Variants in MYCBP2 observed in about 807,000 individuals in gnomAD.
MYCBP2 encodes E3 ubiquitin-protein ligase MYCBP2.
In MYCBP2, 120 loss-of-function variants were observed where a neutral mutation model predicts 525.3. The ratio of observed to expected loss-of-function variants is 0.23; its 90% CI spans 0.20 to 0.27. The LOEUF is 0.27. Among genes scored for constraint, MYCBP2 ranks in the 10% least tolerant of loss-of-function variants. The pLI, the probability that MYCBP2 is intolerant of heterozygous loss-of-function variation, is 1.00. For missense variants in MYCBP2, 4,149 were observed against 5,657.1 expected, an observed-to-expected ratio of 0.73 and a Z score of 8.55; for synonymous variants, 1,894 against 1,955.8, an observed-to-expected ratio of 0.97 and a Z score of 0.83.
chr13:77,323,091 A>G (rs1320765058), intron 1 of MYCBP2, among the ~76,000 whole-genome samples: 4 of 152,228 alleles, frequency 2.6e-5, no homozygotes, highest in Non-Finnish European at 5.9e-5. Flanking sequence ...AAGCACATAC[A>G]TTGATTCATT....
At chr13:77,050,200 TGA>T (rs2036491987) in intron 82 of MYCBP2, among the ~76,000 whole-genome samples, 2 of 152,338 alleles carry the variant, frequency 1.3e-5, no homozygotes, top group Admixed American at 1.3e-4. Flanking sequence ...CTGGTAATTT[TGA>T]GAGGCACTAT....
intron 66 of MYCBP2, chr13:77,077,590 A>G: frequency 3.5e-6 from 2 of 578,020 alleles, no homozygotes. Flanking sequence ...ACAGATGAAG[A>G]AACTAAGGTT....
chr13:77,132,850 T>C (rs1481192417), intron 52 of MYCBP2, among the ~76,000 whole-genome samples: 1 of 152,170 alleles, frequency 6.6e-6, no homozygotes, highest in African/African-American at 2.4e-5. Flanking sequence ...ATCTTTTTAC[T>C]TGCATTGTCC....
chr13:77,133,712 CTA>C (rs1479183358), intron 52 of MYCBP2, among the ~76,000 whole-genome samples: 1 of 152,184 alleles, frequency 6.6e-6, no homozygotes, highest in Non-Finnish European at 1.5e-5. Context: ...CCTATATCAA[CTA>C]TTCATTAGTT....
rs1555465496 is a variant in MYCBP2, at chr13:77,294,107, T to TATATATATATATATATATATATATATAC, written c.378+2491_378+2492insGTATATATATATATATATATATATATAT. Among the ~76,000 whole-genome samples the TATATATATATATATATATATATATATAC allele has an allele frequency of 7.5e-3, 327 of 43,826 alleles. 6 individuals carry two copies. Among genetic ancestry groups the TATATATATATATATATATATATATATAC allele is most frequent in the Non-Finnish European group, 0.016 (247 of 15,192 alleles). The allele number at this position is 43,826 out of a possible 152,430, so 28.8% of individuals were successfully genotyped here. A position where few individuals can be genotyped will look rare whatever the true frequency, so the allele number is the denominator to read the frequency against. On this transcript the variant is annotated intron_variant, in intron 2 of 82. Coordinates refer to ENST00000544440, the MANE Select transcript of MYCBP2 (RefSeq NM_015057.5). ...AGCCATAAAGTAGATATAATGGCTA[T>TATATATATATATATATATATATATATAC]ATATATATATATATATATATATACA...
chr13:77,261,977 T>G, intron 11 of MYCBP2, 76 bp downstream of exon 11: 1 of 1,169,112 alleles, frequency 8.6e-7, no homozygotes, highest in Non-Finnish European at 1.2e-6. Flanking sequence ...GCAAACTATA[T>G]AAACTAATCA....
intron 58 of MYCBP2, among the ~76,000 whole-genome samples, chr13:77,094,803 C>T (rs1402170009): frequency 6.6e-6 from 1 of 152,148 alleles, no homozygotes; most frequent in Admixed American, 6.6e-5. Context: ...ATCTTTTATG[C>T]TCTAACAGCA....
intron 27 of MYCBP2, 120 bp from the exon 28 acceptor site, chr13:77,191,933 C>T (rs986338366): frequency 2.1e-6 from 2 of 954,750 alleles, no homozygotes; most frequent in Non-Finnish European, 3.1e-6. Context: ...AAATTCTTAT[C>T]AAACAACATT....
intron 2 of MYCBP2, among the ~76,000 whole-genome samples, chr13:77,293,958 T>C (rs2077757484): frequency 6.6e-6 from 1 of 151,712 alleles, no homozygotes; most frequent in African/African-American, 2.4e-5. Flanking sequence ...ATCAAGTTTT[T>C]GTAATTTGTT....
rs1276922458 is a variant in MYCBP2 at position 77,186,186 on chromosome 13, TA to T, written c.4252-124del. 47 of 662,084 alleles carry T rather than the reference TA, an allele frequency of 7.1e-5. No homozygotes were observed. In the East Asian group the frequency reaches 1.4e-3, roughly 20 times the overall value. The allele number at this position is 662,084 out of a possible 1,614,324, so 41.0% of individuals were successfully genotyped here. ...TTTTGAATTTTTTTACTGAGTTTTTTAATTGAATTTTTTTTACTGAGCCCAA... is the reference window on the plus strand; with the variant it reads ...TTTTGAATTTTTTTACTGAGTTTTTTATTGAATTTTTTTTACTGAGCCCAA... On this transcript the variant is annotated intron_variant, in intron 30 of 82. Transcript: ENST00000544440.
rs765076710 is a variant in MYCBP2 at position 77,326,499 on chromosome 13, C to T, written c.277G>A (p.Gly93Ser). 6.3e-7 allele frequency: 1 copy of T among 1,586,060 alleles called. No individual in the cohort carries two copies. ...AALNDRDQGG[G>S]SAGHPASRNK... is the part of the protein sequence containing the mutation. The stretch of plus-strand genomic sequence containing the variant: ...CTGGAGGCTGGGTGTCCAGCGCTGC[C>T]GCCCCCCTGGTCCCTGTCATTGAGC... The change falls in exon 1 of 83, where the codon GGC (glycine) becomes AGC (serine). Residue 93 changes from glycine to serine, a missense_variant. This residue lies in a region of MYCBP2 where 413 missense variants were observed against 451.2 expected (regional missense o/e 0.92). Transcript: ENST00000544440. This position sits in a 1 kb window ranked among gnomAD's most constrained non-coding sequence, Gnocchi z 4.2.
At chr13:77,143,933 G>A (rs1236759586) in intron 49 of MYCBP2, among the ~76,000 whole-genome samples, 1 of 152,174 alleles carries the variant, frequency 6.6e-6, no homozygotes. Context: ...CATTATATAC[G>A]CTGTTCGTCA....
At chr13:77,099,683 C>T (rs1482885223) in intron 55 of MYCBP2, 1 of 152,210 alleles carries the variant, frequency 6.6e-6, no homozygotes, top group East Asian at 1.9e-4. Flanking sequence ...GCTTAGAACT[C>T]AGAGCCTGTG....
chr13:77,294,131 C>CATATATATATATATAT, intron 2 of MYCBP2, among the ~76,000 whole-genome samples: 2 of 65,690 alleles, frequency 3.0e-5, no homozygotes, highest in African/African-American at 5.3e-5. Context: ...TATATATATA[C>CATATATATATATATAT]ATATATATAT....
intron 5 of MYCBP2, 59 bp from the exon 6 acceptor site, chr13:77,270,597 C>T (rs2074733538): frequency 6.8e-7 from 1 of 1,470,946 alleles, no homozygotes; most frequent in Non-Finnish European, 9.2e-7. Context: ...AAACACAGAA[C>T]AAAGATACTT....
intron 41 of MYCBP2, 51 bp downstream of exon 41, chr13:77,166,278 A>T: frequency 7.9e-7 from 1 of 1,267,912 alleles, no homozygotes; most frequent in Non-Finnish European, 1.1e-6. Context: ...TACTAAATAT[A>T]CATAAATGCA....
At chr13:77,234,829 T>C (rs1370972695) in intron 17 of MYCBP2, among the ~76,000 whole-genome samples, 1 of 87,544 alleles carries the variant, frequency 1.1e-5, no homozygotes, top group Non-Finnish European at 2.5e-5. Context: ...GTTATAGATA[T>C]TAAGGTAATA....
intron 18 of MYCBP2, among the ~76,000 whole-genome samples, chr13:77,226,657 A>T (rs1190360597): frequency 6.6e-6 from 1 of 152,220 alleles, no homozygotes; most frequent in African/African-American, 2.4e-5. Context: ...AAACAGAATA[A>T]TATTAAATCA....
Position 77,176,596 on chromosome 13 carries a change from G to T in MYCBP2, c.5373C>A (p.His1791Gln). The T allele has an allele frequency of 6.3e-7, 1 of 1,585,406 alleles. No individual in the cohort carries two copies. The highest frequency in any genetic ancestry group is 8.6e-7 in the Non-Finnish European group (1 of 1,161,946). Residue 1791 changes from histidine to glutamine, a missense_variant, in exon 36 of 83, where the codon CAC (histidine) becomes CAA (glutamine). Transcript: ENST00000544440. ...SEHAGDSTHS[H>Q]RWTSLELVKG... Reference sequence around the variant, plus strand: ...TCACTAATTCCAGAGATGTCCATCTGTGGGAATGAGTTGAATCTCCTGCAT... The same window carrying T: ...TCACTAATTCCAGAGATGTCCATCTTTGGGAATGAGTTGAATCTCCTGCAT...
Sources: allele counts gnomAD v4.1 joint callset (sites outside exome capture counted in the v4.1 genomes callset), GRCh38; gene constraint gnomAD v4.1.1; regional missense constraint gnomAD v4.1.1; non-coding constraint Gnocchi (gnomAD v3.1); transcripts MANE v1.5; gene names NCBI Gene and HGNC (gene_info 2026-07-23, HGNC 2026-07-21).